CDK15: variants seen among roughly 807,000 people sequenced by gnomAD.
CDK15 encodes the protein cyclin dependent kinase 15.
CDK15 carries 62 observed loss-of-function variants against 60.3 expected under a neutral mutation model. The observed-to-expected ratio is 1.03, with a 90% confidence interval of 0.84 to 1.27. CDK15 has a LOEUF of 1.27. Among genes scored for constraint, CDK15 ranks in the 50% most tolerant of loss-of-function variants. CDK15 has a pLI of 0.00. For synonymous variants in CDK15, 194 were observed against 195.7 expected (o/e 0.99, Z 0.07); for missense variants, 541 against 527.8 (o/e 1.03, Z -0.25).
At chr2:201,824,268 A>G (rs1031177732) in intron 6 of CDK15, among the ~76,000 whole-genome samples, 9 of 152,308 alleles carry the variant, frequency 5.9e-5, no homozygotes, top group Middle Eastern at 3.4e-3. Context: ...TTCATTCCCT[A>G]AGGTTTTATT....
At chr2:201,836,091 T>TA (rs371436887) in intron 8 of CDK15, among the ~76,000 whole-genome samples, 522 of 9,242 alleles carry the variant, frequency 0.056, 3 homozygotes, top group South Asian at 0.092. Context: ...TATTTATATA[T>TA]TTATATATAT....
At chr2:201,879,175 T>G (rs1699185287) in intron 11 of CDK15, among the ~76,000 whole-genome samples, 1 of 152,248 alleles carries the variant, frequency 6.6e-6, no homozygotes, top group Non-Finnish European at 1.5e-5. Flanking sequence ...ATTTAAGTAC[T>G]TAATTCTCTC....
intron 11 of CDK15, chr2:201,876,390 G>A: frequency 2.7e-6 from 1 of 369,280 alleles, no homozygotes; most frequent in Non-Finnish European, 5.3e-6. Flanking sequence ...CGATAGCAAG[G>A]CGGCGATTAC....
At chr2:201,815,083 C>A (rs1695932737) in intron 4 of CDK15, among the ~76,000 whole-genome samples, 1 of 151,918 alleles carries the variant, frequency 6.6e-6, no homozygotes, top group South Asian at 2.1e-4. Flanking sequence ...TCCGGAGTAG[C>A]TGGGATTACA....
intron 10 of CDK15, among the ~76,000 whole-genome samples, chr2:201,867,102 A>G (rs1698663221): frequency 6.6e-6 from 1 of 152,172 alleles, no homozygotes; most frequent in Non-Finnish European, 1.5e-5. Context: ...CCTCTCTCAC[A>G]TCCCTGAACA....
intron 6 of CDK15, among the ~76,000 whole-genome samples, chr2:201,829,350 TG>T (rs1173304929): frequency 3.9e-5 from 6 of 152,230 alleles, no homozygotes; most frequent in African/African-American, 1.2e-4. Flanking sequence ...AGAACCACAG[TG>T]GTACAGATGT....
intron 12 of CDK15, 142 bp downstream of exon 12, chr2:201,880,309 C>A: frequency 9.5e-7 from 1 of 1,050,950 alleles, no homozygotes; most frequent in Non-Finnish European, 1.3e-6. Context: ...GATCAGTTTG[C>A]CTGGGAGAAG....
At chr2:201,865,543 C>T (rs1170905143) in intron 10 of CDK15, among the ~76,000 whole-genome samples, 2 of 152,184 alleles carry the variant, frequency 1.3e-5, no homozygotes, top group East Asian at 3.9e-4. Flanking sequence ...GGAGCACCCT[C>T]AGTGAGGACA....
In CDK15 at chr2:201,847,404, A is replaced by T. The variant is rs187005870; in HGVS notation, c.875A>T (p.Glu292Val). ...AGGGGTGCAGGCTGCATCTTTATTGAAATGTTCCAGGGTCAACCTTTGTTT... is the reference window on the plus strand; with the variant it reads ...AGGGGTGCAGGCTGCATCTTTATTGTAATGTTCCAGGGTCAACCTTTGTTT... ...DIWGAGCIFI[E>V]MFQGQPLFPG... Residue 292 changes from glutamate (E) to valine (V), a missense_variant, in exon 9 of 14, where the codon GAA becomes GTA. Transcript: ENST00000652192. 680 of 1,614,020 alleles carry T rather than the reference A, an allele frequency of 4.2e-4. 3 individuals carry two copies. The highest frequency in any genetic ancestry group is 1.4e-3 in the South Asian group (124 of 91,048).
chr2:201,855,236 C>T (rs1281898622), intron 10 of CDK15, among the ~76,000 whole-genome samples: 1 of 152,204 alleles, frequency 6.6e-6, no homozygotes. Flanking sequence ...AAAAGAACAA[C>T]TCAAAAGATG....
chr2:201,816,864 C>T (rs796545296), intron 4 of CDK15, among the ~76,000 whole-genome samples: 1 of 152,122 alleles, frequency 6.6e-6, no homozygotes, highest in Non-Finnish European at 1.5e-5. Context: ...AAGTTACCAC[C>T]CTTTCCCGTA....
At chr2:201,842,620 G>A (rs978944466) in intron 8 of CDK15, among the ~76,000 whole-genome samples, 8 of 152,124 alleles carry the variant, frequency 5.3e-5, no homozygotes, top group African/African-American at 1.4e-4. Context: ...TAAAACTCCC[G>A]AGATGGATTT....
intron 8 of CDK15, among the ~76,000 whole-genome samples, chr2:201,836,078 ATATATT>A (rs1476767156): frequency 1.9e-4 from 20 of 104,462 alleles, no homozygotes; most frequent in African/African-American, 5.4e-4. Flanking sequence ...TTATATTTAT[ATATATT>A]TATATATTTA....
rs190640702 is a variant in CDK15 at position 201,823,374 on chromosome 2, A to G, written c.544-291A>G. On this transcript the variant is annotated intron_variant, in intron 5 of 13. Coordinates refer to ENST00000652192, the MANE Select transcript of CDK15 (RefSeq NM_001366386.2). ...GTGTACTTGACTTGCCTCCAAGGAC[A>G]CTTGGAGAGTGAAAAATTCCTGCGT... is the stretch of plus-strand genomic sequence containing the variant. 2.5e-3 allele frequency among the ~76,000 whole-genome samples: 387 copies of G among 152,352 alleles called. 2 individuals carry two copies. The highest frequency in any genetic ancestry group is 8.9e-3 in the African/African-American group (372 of 41,590).
chr2:201,828,265 G>A (rs946651605), intron 6 of CDK15, among the ~76,000 whole-genome samples: 4 of 152,134 alleles, frequency 2.6e-5, no homozygotes, highest in Middle Eastern at 3.2e-3. Flanking sequence ...TGAGCTCGAC[G>A]TGTAGATCTG....
chr2:201,858,082 A>G (rs1559138154), intron 10 of CDK15, among the ~76,000 whole-genome samples: 1 of 151,942 alleles, frequency 6.6e-6, no homozygotes, highest in African/African-American at 2.4e-5. Context: ...AGAACCATCC[A>G]GTGTCCATCT....
intron 10 of CDK15, among the ~76,000 whole-genome samples, chr2:201,870,583 A>G (rs143378490): frequency 2.2e-4 from 33 of 151,838 alleles, no homozygotes; most frequent in African/African-American, 7.7e-4. Flanking sequence ...AAACAAAAAA[A>G]ACAGACGTGG....
At chr2:201,811,948 A>C (rs775269066) in intron 3 of CDK15, among the ~76,000 whole-genome samples, 3 of 152,086 alleles carry the variant, frequency 2.0e-5, no homozygotes, top group Non-Finnish European at 4.4e-5. Context: ...TGACGTGGGC[A>C]GATCACCTGA....
intron 10 of CDK15, among the ~76,000 whole-genome samples, chr2:201,870,580 A>C (rs989602350): frequency 2.6e-5 from 4 of 151,926 alleles, no homozygotes; most frequent in Non-Finnish European, 5.9e-5. Context: ...ACAAAACAAA[A>C]AAAACAGACG....
Sources: allele counts gnomAD v4.1 joint callset (sites outside exome capture counted in the v4.1 genomes callset), GRCh38; gene constraint gnomAD v4.1.1; transcripts MANE v1.5; gene names NCBI Gene and HGNC (gene_info 2026-07-23, HGNC 2026-07-21).